The following ARID1B variants were observed in gnomAD, a reference collection of about 807,000 sequenced individuals.
ARID1B encodes AT-rich interaction domain 1B.
ARID1B carries 30 observed loss-of-function variants against 212.3 expected under a neutral mutation model. The ratio of observed to expected loss-of-function variants is 0.14; its 90% CI spans 0.11 to 0.19. The LOEUF is 0.19. Ranked by LOEUF, ARID1B falls within the 10% of genes least tolerant of loss-of-function variation. ARID1B has a pLI of 1.00. For missense variants in ARID1B, 2,891 were observed against 3,204.0 expected, an observed-to-expected ratio of 0.90 and a Z score of 2.36; for synonymous variants, 1,402 against 1,301.7, an observed-to-expected ratio of 1.08 and a Z score of -1.66.
intron 4 of ARID1B, among the ~76,000 whole-genome samples, chr6:157,002,853 CAG>C (rs1189136924): frequency 6.6e-6 from 1 of 152,162 alleles, no homozygotes; most frequent in African/African-American, 2.4e-5. Flanking sequence ...ATGTAGAAAA[CAG>C]TGTTAATCTT....
At chr6:157,047,508 AG>A (rs952757373) in intron 4 of ARID1B, among the ~76,000 whole-genome samples, 3 of 152,238 alleles carry the variant, frequency 2.0e-5, no homozygotes, top group African/African-American at 7.2e-5. Flanking sequence ...AGATCTACCA[AG>A]TCCACTGTGC....
At chr6:156,979,516 G>A (rs1777475033) in intron 4 of ARID1B, among the ~76,000 whole-genome samples, 3 of 151,998 alleles carry the variant, frequency 2.0e-5, no homozygotes, top group Non-Finnish European at 2.9e-5. Flanking sequence ...AGGGACATTA[G>A]TGATTTGCAT....
chr6:156,898,015 A>G (rs555664870), intron 2 of ARID1B, among the ~76,000 whole-genome samples: 4 of 152,156 alleles, frequency 2.6e-5, no homozygotes, highest in African/African-American at 9.7e-5. Flanking sequence ...CACGTAGTTA[A>G]GTGTTTCACT....
In ARID1B at chr6:157,206,814, C is replaced by CT; in HGVS notation, c.6042_6043insT (p.Ala2015CysfsTer11). 1 of 1,614,044 alleles carries CT rather than the reference C, an allele frequency of 6.2e-7. No individual in the cohort carries two copies. Among genetic ancestry groups the CT allele is most frequent in the Admixed American group, 1.7e-5 (1 of 60,022 alleles). The stretch of plus-strand genomic sequence containing the variant: ...CTCGGCCAGGGGCATTGCCTGAAGA[C>CT]GCAAACCCTGGGCCCCAGACCGAAA... On this transcript the variant is annotated frameshift_variant, in exon 20 of 20. Transcript: ENST00000636930. LOFTEE classifies it high-confidence loss of function. This position sits in a 1 kb window ranked among gnomAD's most constrained non-coding sequence, Gnocchi z 6.8.
intron 4 of ARID1B, among the ~76,000 whole-genome samples, chr6:157,051,045 C>T (rs937584029): frequency 1.3e-5 from 2 of 152,208 alleles, no homozygotes; most frequent in African/African-American, 2.4e-5. Flanking sequence ...TTTTATTCTG[C>T]GCATTTGCAG....
chr6:157,210,248 T>C lies in ARID1B; in HGVS notation c.*2357T>C, dbSNP rs1166171354. On this transcript the variant is annotated 3_prime_UTR_variant, in exon 20 of 20. Coordinates refer to ENST00000636930, the MANE Select transcript of ARID1B (RefSeq NM_001374828.1). The stretch of plus-strand genomic sequence containing the variant: ...AATACATCTGCTTGCTAAGAACAGA[T>C]TTCAGTGCTCCAAGCTTCAAATATG... 1.3e-5 allele frequency: 3 copies of C among 231,168 alleles called. No individual in the cohort carries two copies. In the Admixed American group the frequency reaches 1.7e-4, roughly 13 times the overall value. 14.3% of individuals were successfully genotyped at this position (231,168 alleles called of 1,614,324 possible).
At chr6:157,139,503 C>T (rs1332292422) in intron 7 of ARID1B, among the ~76,000 whole-genome samples, 3 of 152,130 alleles carry the variant, frequency 2.0e-5, no homozygotes, top group Non-Finnish European at 2.9e-5. Context: ...CTCCCTGGCC[C>T]GCCTGCAGGG....
At chr6:156,964,600 ATG>A (rs1490128128) in intron 4 of ARID1B, among the ~76,000 whole-genome samples, 3 of 152,236 alleles carry the variant, frequency 2.0e-5, no homozygotes, top group Non-Finnish European at 4.4e-5. Flanking sequence ...AATGTTATGT[ATG>A]TGTATAAAAG....
intron 13 of ARID1B, among the ~76,000 whole-genome samples, chr6:157,187,647 T>C (rs1268511972): frequency 6.6e-6 from 1 of 152,036 alleles, no homozygotes; most frequent in Non-Finnish European, 1.5e-5. Context: ...TACTTTAGAG[T>C]ATACATTTGT....
intron 5 of ARID1B, among the ~76,000 whole-genome samples, chr6:157,092,436 G>A (rs1785337318): frequency 6.6e-6 from 1 of 152,196 alleles, no homozygotes; most frequent in African/African-American, 2.4e-5. Context: ...CCCCATTGCT[G>A]TCTGGTGGCC....
chr6:156,826,631 G>A (rs1357501402), intron 1 of ARID1B, among the ~76,000 whole-genome samples: 1 of 152,100 alleles, frequency 6.6e-6, no homozygotes, highest in African/African-American at 2.4e-5. Flanking sequence ...GCAGTTCTCG[G>A]GGTCTGTGCT....
intron 1 of ARID1B, among the ~76,000 whole-genome samples, chr6:156,801,450 C>T (rs1294568279): frequency 2.0e-5 from 3 of 152,050 alleles, no homozygotes; most frequent in Non-Finnish European, 4.4e-5. Flanking sequence ...TCACCCACCT[C>T]GCCCTCCCAA....
intron 2 of ARID1B, among the ~76,000 whole-genome samples, chr6:156,866,096 C>T (rs936560495): frequency 6.6e-6 from 1 of 152,132 alleles, no homozygotes; most frequent in Non-Finnish European, 1.5e-5. Flanking sequence ...GGGACATTCC[C>T]ACTCCCATCC....
In ARID1B at chr6:157,203,391, A is replaced by C. The variant is rs1241448731; in HGVS notation, c.5264-475A>C. Among the ~76,000 whole-genome samples the C allele has an allele frequency of 6.6e-6, 1 of 152,228 alleles. No individual in the cohort carries two copies. Among genetic ancestry groups the C allele is most frequent in the Non-Finnish European group, 1.5e-5 (1 of 68,042 alleles). ...CTGGGAAGCCAAGGCCGTGTGTCTG[A>C]GGAGGCTGTCTTGGAGTTAAATTTT... is the stretch of plus-strand genomic sequence containing the variant. On this transcript the variant is annotated intron_variant, in intron 18 of 19. Coordinates refer to ENST00000636930, the MANE Select transcript of ARID1B (RefSeq NM_001374828.1). The surrounding 1 kb of genome is among the most constrained non-coding windows in gnomAD (Gnocchi z 4.4).
chr6:157,181,224 A>G lies in ARID1B; in HGVS notation c.3714+46A>G, dbSNP rs745841666. 5.0e-6 allele frequency: 8 copies of G among 1,596,144 alleles called. No individual in the cohort carries two copies. The African/African-American group carries it at 9.4e-5, about 19-fold the overall frequency. ...GGGTGAAAAAGGAAGCATTGTGGAT[A>G]AGTTCTTACAGTGGCTTTCTTTGAA... is the stretch of plus-strand genomic sequence containing the variant. On this transcript the variant is annotated intron_variant, in intron 12 of 19. Transcript: ENST00000636930.
chr6:156,826,035 A>G (rs1782713908), intron 1 of ARID1B, among the ~76,000 whole-genome samples: 1 of 152,266 alleles, frequency 6.6e-6, no homozygotes, highest in African/African-American at 2.4e-5. Flanking sequence ...TAAAATCAGT[A>G]TATTGTTTGG....
Position 156,841,604 on chromosome 6 carries a change from T to A in ARID1B, c.1986+12183T>A, listed in dbSNP as rs191980767. On this transcript the variant is annotated intron_variant, in intron 2 of 19. Transcript: ENST00000636930. ...AGGTCTTATGCTAAGTACTTTTACA[T>A]GGATGTTCTCCTTTAATCCCTGCCA... Among the ~76,000 whole-genome samples, 28 of 152,334 alleles carry A rather than the reference T, an allele frequency of 1.8e-4. No homozygotes were observed. In the East Asian group the frequency reaches 4.4e-3, roughly 24 times the overall value.
rs1406433310 is a variant in ARID1B at position 156,778,903 on chromosome 6, G to GAGGAGGAGGAGCAGGAGCAGGAGGAGC, written c.1229_1255dup (p.Gly410_Gly418dup). ...GGAGGAGGCAGCGGAGGAGGAGGAGGAGGAGGAGGAGCAGGAGCAGGAGGA... is the reference window on the plus strand; with the variant it reads ...GGAGGAGGCAGCGGAGGAGGAGGAGGAGGAGGAGGAGCAGGAGCAGGAGGAGCAGGAGGAGGAGCAGGAGCAGGAGGA... On this transcript the variant is annotated inframe_insertion, in exon 1 of 20. Coordinates refer to ENST00000636930, the MANE Select transcript of ARID1B (RefSeq NM_001374828.1). The GAGGAGGAGGAGCAGGAGCAGGAGGAGC allele has an allele frequency of 1.5e-6, 2 of 1,369,736 alleles. No individual in the cohort carries two copies. Among genetic ancestry groups the GAGGAGGAGGAGCAGGAGCAGGAGGAGC allele is most frequent in the Non-Finnish European group, 1.9e-6 (2 of 1,063,428 alleles). 84.8% of individuals were successfully genotyped at this position (1,369,736 alleles called of 1,614,324 possible). A position where few individuals can be genotyped will look rare whatever the true frequency, so the allele number is the denominator to read the frequency against.
chr6:156,790,924 TTG>T (rs913994026), intron 1 of ARID1B, among the ~76,000 whole-genome samples: 4 of 152,214 alleles, frequency 2.6e-5, no homozygotes, highest in African/African-American at 7.2e-5. Context: ...GTAAGCAGTT[TTG>T]TGTTTTATCT....
Sources: gnomAD v4.1 joint callset for allele counts (sites outside exome capture counted in the v4.1 genomes callset) on GRCh38, gnomAD v4.1.1 for gene constraint, Gnocchi (gnomAD v3.1) non-coding constraint, MANE v1.5 for transcripts, NCBI Gene and HGNC (gene_info 2026-07-23, HGNC 2026-07-21) for gene names.